CSMD1: variants seen among roughly 807,000 people sequenced by gnomAD.
The protein encoded by CSMD1 is CUB and sushi domain-containing protein 1.
CSMD1 carries 213 observed loss-of-function variants against 417.5 expected under a neutral mutation model. The ratio of observed to expected loss-of-function variants is 0.51; its 90% CI spans 0.46 to 0.57. The LOEUF is 0.57. CSMD1 is among the 20% of genes least tolerant of loss of function. The pLI is 0.00. For missense variants in CSMD1, 6,923 were observed against 4,529.7 expected (o/e 1.53, Z -15.17); for synonymous variants, 2,862 against 1,736.8 (o/e 1.65, Z -16.11).
In CSMD1 at chr8:3,343,326, T is replaced by A. The variant is rs748264558; in HGVS notation, c.3599A>T (p.Asp1200Val). The change falls in exon 23 of 70, where the codon GAC (aspartate) becomes GTC (valine). Residue 1200 changes from aspartate to valine, a missense_variant. Transcript: ENST00000635120. The stretch of plus-strand genomic sequence containing the variant: ...GGTGAGTTGAAAACCTTGGTCGGTG[T>A]CAGATCCATTGGTGTTGAACTCTAG... ...LWLEFNTNGSDTDQGFQLTYT... is the reference protein window; with the variant it reads ...LWLEFNTNGSVTDQGFQLTYT... 1.2e-6 allele frequency: 2 copies of A among 1,613,764 alleles called. No individual in the cohort carries two copies. The highest frequency in any genetic ancestry group is 3.3e-5 in the Admixed American group (2 of 60,006).
intron 1 of CSMD1, among the ~76,000 whole-genome samples, chr8:4,766,200 C>G (rs6999356): frequency 0.52 from 78,982 of 151,940 alleles, 20,898 homozygotes; most frequent in Admixed American, 0.65. Flanking sequence ...ATGTTGCCTA[C>G]TAACAGAGCA....
chr8:4,909,644 G>A (rs1485595927), intron 1 of CSMD1, among the ~76,000 whole-genome samples: 1 of 152,164 alleles, frequency 6.6e-6, no homozygotes, highest in Non-Finnish European at 1.5e-5. Context: ...AAGGCAATGA[G>A]TGTAGGGGCC....
intron 1 of CSMD1, among the ~76,000 whole-genome samples, chr8:4,647,759 G>C (rs1803628938): frequency 6.6e-6 from 1 of 152,164 alleles, no homozygotes; most frequent in African/African-American, 2.4e-5. Context: ...CCTTTCTTAT[G>C]GCTGCATAGT....
At chr8:4,045,808 G>A (rs1013217660) in intron 3 of CSMD1, among the ~76,000 whole-genome samples, 2 of 151,978 alleles carry the variant, frequency 1.3e-5, no homozygotes, top group Non-Finnish European at 2.9e-5. Flanking sequence ...TGTGAGACAT[G>A]GCTTCTCAGC....
At chr8:4,876,728 T>C (rs911109022) in intron 1 of CSMD1, among the ~76,000 whole-genome samples, 3 of 152,090 alleles carry the variant, frequency 2.0e-5, no homozygotes, top group Non-Finnish European at 2.9e-5. Flanking sequence ...TCATGACCTC[T>C]TTCTTGTGTG....
intron 1 of CSMD1, among the ~76,000 whole-genome samples, chr8:4,685,661 G>A (rs912141588): frequency 1.3e-5 from 2 of 152,084 alleles, no homozygotes; most frequent in African/African-American, 2.4e-5. Flanking sequence ...AACTTCACAG[G>A]AAACAAAATC....
intron 26 of CSMD1, among the ~76,000 whole-genome samples, chr8:3,236,162 C>T (rs540071350): frequency 2.0e-5 from 3 of 152,106 alleles, no homozygotes; most frequent in East Asian, 3.9e-4. Context: ...TTGTGATCTG[C>T]CTGCCTCGGA....
At chr8:3,069,314 A>G in intron 49 of CSMD1, among the ~76,000 whole-genome samples, 1 of 151,972 alleles carries the variant, frequency 6.6e-6, no homozygotes. Flanking sequence ...AGGCATCTGT[A>G]ATCCCAGCTA....
At chr8:3,728,236 C>T (rs1420208976) in intron 6 of CSMD1, among the ~76,000 whole-genome samples, 2 of 152,060 alleles carry the variant, frequency 1.3e-5, no homozygotes, top group Non-Finnish European at 2.9e-5. Flanking sequence ...AAGGGAAACC[C>T]CTTTCTCTTG....
intron 5 of CSMD1, among the ~76,000 whole-genome samples, chr8:3,818,401 T>G (rs749588224): frequency 6.6e-5 from 10 of 152,174 alleles, no homozygotes; most frequent in Non-Finnish European, 1.3e-4. Flanking sequence ...AATCTGAGTT[T>G]CAGAAAACAG....
At position 3,399,647 on chromosome 8, in the gene CSMD1, T is replaced by A. The variant is rs557878233; in HGVS notation, c.2267-118A>T. Reference sequence around the variant, plus strand: ...TTCATAGACTGAATATTTTCAAGTATCAAAGCAAATCTTATTCCCAAGGAA... The same window carrying A: ...TTCATAGACTGAATATTTTCAAGTAACAAAGCAAATCTTATTCCCAAGGAA... On this transcript the variant is annotated intron_variant, in intron 15 of 69. Coordinates refer to ENST00000635120, the MANE Select transcript of CSMD1 (RefSeq NM_033225.6). The A allele has an allele frequency of 8.4e-6, 6 of 711,764 alleles. No individual in the cohort carries two copies. In the South Asian group the frequency reaches 1.8e-4, roughly 22 times the overall value. 44.1% of individuals were successfully genotyped at this position (711,764 alleles called of 1,614,324 possible).
intron 3 of CSMD1, among the ~76,000 whole-genome samples, chr8:4,227,684 T>G (rs1630897): frequency 0.51 from 77,035 of 151,298 alleles, 20,753 homozygotes; most frequent in Non-Finnish European, 0.61. Flanking sequence ...GCCTCCATCC[T>G]ACATTAAACC....
chr8:4,362,715 G>T (rs1318623368), intron 3 of CSMD1, among the ~76,000 whole-genome samples: 1 of 152,132 alleles, frequency 6.6e-6, no homozygotes, highest in Non-Finnish European at 1.5e-5. Context: ...TAAGAGAAAA[G>T]GACTTTCTTT....
intron 23 of CSMD1, among the ~76,000 whole-genome samples, chr8:3,326,893 T>C (rs568848869): frequency 6.6e-6 from 1 of 152,168 alleles, no homozygotes; most frequent in Non-Finnish European, 1.5e-5. Context: ...TCTTGATACA[T>C]TGATAGGAAA....
chr8:3,435,179 G>A (rs913927028), intron 12 of CSMD1, among the ~76,000 whole-genome samples: 2 of 152,122 alleles, frequency 1.3e-5, no homozygotes, highest in African/African-American at 4.8e-5. Context: ...GAAGTCAGAG[G>A]GCAAAAAAGC....
chr8:3,198,980 G>A (rs1336972838), intron 33 of CSMD1, among the ~76,000 whole-genome samples: 1 of 152,128 alleles, frequency 6.6e-6, no homozygotes, highest in Non-Finnish European at 1.5e-5. Context: ...ATTTCTTCCA[G>A]ATCTCAACCT....
intron 1 of CSMD1, among the ~76,000 whole-genome samples, chr8:4,712,016 A>C (rs1808333999): frequency 6.6e-6 from 1 of 152,108 alleles, no homozygotes; most frequent in East Asian, 1.9e-4. Context: ...AAGAGTCTAC[A>C]GAGAAAATCT....
intron 1 of CSMD1, among the ~76,000 whole-genome samples, chr8:4,649,854 A>C (rs529200308): frequency 6.4e-4 from 97 of 152,212 alleles, no homozygotes; most frequent in Non-Finnish European, 1.2e-3. Flanking sequence ...GCCTTTAACA[A>C]ATAAAAGAGG....
At chr8:4,161,784 CA>C (rs1264173195) in intron 3 of CSMD1, among the ~76,000 whole-genome samples, 7 of 152,078 alleles carry the variant, frequency 4.6e-5, no homozygotes, top group African/African-American at 1.7e-4. Flanking sequence ...TTGAATTGTG[CA>C]AAAGAAACAA....
Sources: gnomAD v4.1 joint callset for allele counts (sites outside exome capture counted in the v4.1 genomes callset) on GRCh38, gnomAD v4.1.1 for gene constraint, MANE v1.5 for transcripts, NCBI Gene and HGNC (gene_info 2026-07-23, HGNC 2026-07-21) for gene names.